BAIAP2L1: variants seen among roughly 807,000 people sequenced by gnomAD.
BAIAP2L1 encodes BAR/IMD domain containing adaptor protein 2 like 1.
BAIAP2L1 carries 35 observed loss-of-function variants against 66.3 expected under a neutral mutation model. That is an observed-to-expected ratio of 0.53 (90% confidence interval 0.40 to 0.70). The LOEUF (loss-of-function observed/expected upper bound fraction) is 0.70, where lower values mean the gene tolerates loss of function less well. Ranked by LOEUF, BAIAP2L1 falls within the 30% of genes least tolerant of loss-of-function variation. The pLI is 0.00. For synonymous variants in BAIAP2L1, 269 were observed against 248.7 expected (o/e 1.08, Z -0.77); for missense variants, 622 against 656.9 (o/e 0.95, Z 0.58).
At position 98,307,870 on chromosome 7, in the gene BAIAP2L1, G is replaced by A. The variant is rs1385972037; in HGVS notation, c.982C>T (p.Arg328Ter). The change falls in exon 10 of 14, where the codon CGA becomes TGA. Residue 328 changes from arginine to a stop codon, truncating the protein, a stop_gained. Transcript: ENST00000005260. LOFTEE classifies it high-confidence loss of function. ...AGTCCCGTTGCAACCGAAACTGATCGCTGTAAACTGGGATCTTCGGAAGTA... is the reference window on the plus strand; with the variant it reads ...AGTCCCGTTGCAACCGAAACTGATCACTGTAAACTGGGATCTTCGGAAGTA... ...TGTSEDPSLQ[R>*]SVSVATGLNM... 2.5e-6 allele frequency: 4 copies of A among 1,614,192 alleles called. No individual in the cohort carries two copies. Among genetic ancestry groups the A allele is most frequent in the African/African-American group, 1.3e-5 (1 of 75,068 alleles).
At position 98,304,247 on chromosome 7, in the gene BAIAP2L1, C is replaced by T. The variant is rs2116839459; in HGVS notation, c.1371G>A (p.Arg457=). 2 of 1,613,430 alleles carry T rather than the reference C, an allele frequency of 1.2e-6. No individual in the cohort carries two copies. Among genetic ancestry groups the T allele is most frequent in the South Asian group, 1.1e-5 (1 of 90,930 alleles). Residue 457 remains arginine (R), a synonymous_variant, in exon 12 of 14, where the codon AGG becomes AGA. Coordinates refer to ENST00000005260, the MANE Select transcript of BAIAP2L1 (RefSeq NM_018842.5). ...AAADRRADSA[R]TTSTFKAPAS... ...CTGGGGCCTTAAAGGTGGATGTCGT[C>T]CTGGCCGAATCTGCTCTCCTGTCGG...
chr7:98,372,561 CT>C (rs1802534474), intron 1 of BAIAP2L1, among the ~76,000 whole-genome samples: 1 of 152,020 alleles, frequency 6.6e-6, no homozygotes, highest in South Asian at 2.1e-4. Flanking sequence ...AGTTCTGTGG[CT>C]TGTAACGTAT....
intron 12 of BAIAP2L1, among the ~76,000 whole-genome samples, chr7:98,301,685 G>A (rs907021429): frequency 3.9e-5 from 6 of 152,156 alleles, no homozygotes; most frequent in South Asian, 2.1e-4. Context: ...GTGCACACGC[G>A]CGTCTGTGTG....
intron 12 of BAIAP2L1, 102 bp downstream of exon 12, chr7:98,304,094 C>A: frequency 7.8e-7 from 1 of 1,274,788 alleles, no homozygotes; most frequent in South Asian, 1.8e-5. Context: ...CCACTCTCCC[C>A]CTGGGGACAG....
At chr7:98,394,929 T>A (rs1218677742) in intron 1 of BAIAP2L1, among the ~76,000 whole-genome samples, 1 of 151,728 alleles carries the variant, frequency 6.6e-6, no homozygotes. Flanking sequence ...CTGGCCAACA[T>A]GGTGAAACCC....
At chr7:98,310,739 T>C in intron 8 of BAIAP2L1, 147 bp from the exon 9 acceptor site, 1 of 622,598 alleles carries the variant, frequency 1.6e-6, no homozygotes, top group Non-Finnish European at 2.5e-6. Context: ...CAGGCTGGAG[T>C]ACAGTGGCAC....
At chr7:98,303,673 C>T (rs2116836096) in intron 12 of BAIAP2L1, among the ~76,000 whole-genome samples, 1 of 152,296 alleles carries the variant, frequency 6.6e-6, no homozygotes, top group African/African-American at 2.4e-5. Flanking sequence ...GAGCCCAGGA[C>T]CTCCATGCTG....
At chr7:98,318,982 G>T (rs1321199740) in intron 5 of BAIAP2L1, among the ~76,000 whole-genome samples, 1 of 151,714 alleles carries the variant, frequency 6.6e-6, no homozygotes, top group Non-Finnish European at 1.5e-5. Context: ...CTATGTTTTG[G>T]AGTTTCTGAA....
chr7:98,307,892 A>C lies in BAIAP2L1; in HGVS notation c.960T>G (p.Thr320=). 1.2e-6 allele frequency: 2 copies of C among 1,614,212 alleles called. No individual in the cohort carries two copies. Among genetic ancestry groups the C allele is most frequent in the South Asian group, 1.1e-5 (1 of 91,084 alleles). Residue 320 remains threonine, a synonymous_variant, in exon 10 of 14, where the codon ACT becomes ACG. Coordinates refer to ENST00000005260, the MANE Select transcript of BAIAP2L1 (RefSeq NM_018842.5). ...NSQRVNNSTG[T]SEDPSLQRSV... is the part of the protein sequence containing the mutation. ...ATCGCTGTAAACTGGGATCTTCGGA[A>C]GTACCTGTTGGAGGGAGTGTAGCAG...
At chr7:98,365,465 T>C (rs1455325876) in intron 1 of BAIAP2L1, among the ~76,000 whole-genome samples, 1 of 152,200 alleles carries the variant, frequency 6.6e-6, no homozygotes, top group Non-Finnish European at 1.5e-5. Flanking sequence ...TCTTGATTGC[T>C]CTTTTTGTTT....
intron 3 of BAIAP2L1, among the ~76,000 whole-genome samples, chr7:98,349,884 C>T (rs1801961920): frequency 6.6e-6 from 1 of 152,002 alleles, no homozygotes; most frequent in Admixed American, 6.5e-5. Context: ...TGGAGAAACC[C>T]CATCTCTACT....
chr7:98,356,988 CT>C (rs1267226336), intron 2 of BAIAP2L1, among the ~76,000 whole-genome samples: 1 of 38,534 alleles, frequency 2.6e-5, no homozygotes, highest in African/African-American at 8.2e-5. Flanking sequence ...AGTGAGGCCC[CT>C]GTCTCAAAAA....
chr7:98,295,410 G>A (rs913281277), intron 12 of BAIAP2L1, among the ~76,000 whole-genome samples: 20 of 152,210 alleles, frequency 1.3e-4, no homozygotes, highest in Non-Finnish European at 1.9e-4. Context: ...TTAAATGGCC[G>A]CAAAAGTGAC....
chr7:98,348,691 G>A (rs1332449852), intron 3 of BAIAP2L1, among the ~76,000 whole-genome samples: 5 of 152,098 alleles, frequency 3.3e-5, no homozygotes, highest in Non-Finnish European at 5.9e-5. Flanking sequence ...AAATATTTGC[G>A]AATGTGTGAA....
Position 98,307,729 on chromosome 7 carries a change from TCTC to T in BAIAP2L1, c.1120_1122del (p.Glu374del), listed in dbSNP as rs1347647935. ...TGTTCTCCATAGAGCCAGCCATCCT[TCTC>T]CTCGGGGATGAGCAGCGTGATGACA... is the stretch of plus-strand genomic sequence containing the variant. On this transcript the variant is annotated inframe_deletion, in exon 10 of 14. Coordinates refer to ENST00000005260, the MANE Select transcript of BAIAP2L1 (RefSeq NM_018842.5). The T allele has an allele frequency of 3.7e-6, 6 of 1,614,178 alleles. No individual in the cohort carries two copies. Among genetic ancestry groups the T allele is most frequent in the African/African-American group, 1.3e-5 (1 of 75,058 alleles).
chr7:98,319,991 C>A (rs551678148), intron 5 of BAIAP2L1, 67 bp downstream of exon 5: 18 of 1,315,022 alleles, frequency 1.4e-5, no homozygotes, highest in Middle Eastern at 1.9e-4. Context: ...ACAGTGGGAA[C>A]GAGTTCTCCC....
intron 13 of BAIAP2L1, 35 bp from the exon 14 acceptor site, chr7:98,293,631 G>C: frequency 1.3e-6 from 2 of 1,588,112 alleles, no homozygotes; most frequent in Non-Finnish European, 1.7e-6. Flanking sequence ...CAGAACTTCT[G>C]CTCTACGAGG....
At chr7:98,338,525 T>A (rs1283613715) in intron 3 of BAIAP2L1, among the ~76,000 whole-genome samples, 1 of 152,152 alleles carries the variant, frequency 6.6e-6, no homozygotes, top group African/African-American at 2.4e-5. Context: ...CCTCAAAATC[T>A]GCTTTCTATG....
intron 1 of BAIAP2L1, among the ~76,000 whole-genome samples, chr7:98,392,191 T>C (rs1803062888): frequency 7.0e-6 from 1 of 142,014 alleles, no homozygotes; most frequent in Non-Finnish European, 1.5e-5. Context: ...AAAAAAAGTC[T>C]ACCTTAGCTG....
Sources: allele counts gnomAD v4.1 joint callset (sites outside exome capture counted in the v4.1 genomes callset), GRCh38; gene constraint gnomAD v4.1.1; transcripts MANE v1.5; gene names NCBI Gene and HGNC (gene_info 2026-07-23, HGNC 2026-07-21).